Variants in SELENOI observed in about 807,000 individuals in gnomAD.
The protein encoded by SELENOI is ethanolaminephosphotransferase 1.
Under a neutral mutation model 50.7 loss-of-function variants are expected in SELENOI, and 24 were observed. That is an observed-to-expected ratio of 0.47 (90% CI 0.34 to 0.67). The LOEUF is 0.67. Ranked by LOEUF, SELENOI falls within the 30% of genes least tolerant of loss-of-function variation. The pLI, the probability that SELENOI is intolerant of heterozygous loss-of-function variation, is 0.01. For synonymous variants in SELENOI, 155 were observed against 170.2 expected, an observed-to-expected ratio of 0.91 and a Z score of 0.70; for missense variants, 352 against 461.4, an observed-to-expected ratio of 0.76 and a Z score of 2.17.
chr2:26,351,421 G>A (rs1676956978), intron 1 of SELENOI, among the ~76,000 whole-genome samples: 1 of 152,194 alleles, frequency 6.6e-6, no homozygotes. Flanking sequence ...CCAGAATTTT[G>A]AGAGAATATC....
chr2:26,364,862 A>G lies in SELENOI; in HGVS notation c.157A>G (p.Ile53Val), dbSNP rs1421704318. The part of the protein sequence containing the change: ...VFPTWLAPNL[I>V]TFSGFLLVVF... Reference sequence around the variant, plus strand: ...TCCTACTTGGCTGGCGCCCAATCTGATAACTTTTTCTGGCTTTCTGCTGGT... The same window carrying G: ...TCCTACTTGGCTGGCGCCCAATCTGGTAACTTTTTCTGGCTTTCTGCTGGT... The change falls in exon 3 of 10, where the codon ATA (isoleucine) becomes GTA (valine). Residue 53 changes from isoleucine (I) to valine (V), a missense_variant. Physicochemically the swap from Ile to Val is conservative, Grantham distance 29. Transcript: ENST00000260585. 6 of 1,610,210 alleles carry G rather than the reference A, an allele frequency of 3.7e-6. No homozygotes were observed. Among genetic ancestry groups the G allele is most frequent in the African/African-American group, 1.3e-5 (1 of 74,858 alleles).
intron 1 of SELENOI, among the ~76,000 whole-genome samples, chr2:26,361,706 C>T (rs914388257): frequency 1.2e-4 from 18 of 151,216 alleles, no homozygotes; most frequent in African/African-American, 3.9e-4. Flanking sequence ...TAGGCTGGAG[C>T]GCAGTGGCAC....
intron 1 of SELENOI, among the ~76,000 whole-genome samples, chr2:26,347,499 A>C (rs183910990): frequency 6.6e-6 from 1 of 151,982 alleles, no homozygotes; most frequent in African/African-American, 2.4e-5. Context: ...TTCAAGCCGT[A>C]TTGTGCCATA....
intron 4 of SELENOI, among the ~76,000 whole-genome samples, chr2:26,370,918 CGGGCGGGGGGCTG>C (rs1677417391): frequency 2.1e-5 from 2 of 93,158 alleles, no homozygotes; most frequent in African/African-American, 3.6e-5. Flanking sequence ...GGCGGCTGGC[CGGGCGGGGGGCTG>C]ACCCCCCCAC....
Position 26,386,421 on chromosome 2 carries a change from T to C in SELENOI, c.980T>C (p.Leu327Pro), listed in dbSNP as rs1160348113. 4.3e-6 allele frequency: 7 copies of C among 1,614,014 alleles called. No homozygotes were observed. Among genetic ancestry groups the C allele is most frequent in the Non-Finnish European group, 5.1e-6 (6 of 1,179,896 alleles). The change falls in exon 9 of 10, where the codon CTC becomes CCC. Residue 327 changes from leucine (L) to proline (P), a missense_variant. Coordinates refer to ENST00000260585, the MANE Select transcript of SELENOI (RefSeq NM_033505.4). ...CPTLNWLLVP[L>P]FLVVLVVNLG... is the part of the protein sequence containing the mutation. ...ACTTTGAATTGGTTGCTGGTTCCTC[T>C]CTTCTTGGTTGTCTTAGTGGTAAAC... is the stretch of plus-strand genomic sequence containing the variant.
intron 4 of SELENOI, among the ~76,000 whole-genome samples, chr2:26,372,759 G>A (rs545954000): frequency 1.3e-5 from 2 of 152,272 alleles, no homozygotes; most frequent in East Asian, 3.9e-4. Flanking sequence ...AGATTTGGAG[G>A]TATTCAGACT....
In SELENOI at chr2:26,346,278, G is replaced by GATA; in HGVS notation, c.48_50dup (p.Asp16_Lys17insAsn). On this transcript the variant is annotated inframe_insertion, in exon 1 of 10. Coordinates refer to ENST00000260585, the MANE Select transcript of SELENOI (RefSeq NM_033505.4). ...GAGCCCGGAGCAGCTGGCTGGCTTT[G>GATA]ATAAGTACAAGGTACCGCGGGCCGG... The GATA allele has an allele frequency of 6.2e-7, 1 of 1,613,528 alleles. No individual in the cohort carries two copies. The highest frequency in any genetic ancestry group is 8.5e-7 in the Non-Finnish European group (1 of 1,179,568).
chr2:26,380,367 C>G (rs1205581941), intron 6 of SELENOI, among the ~76,000 whole-genome samples: 1 of 152,122 alleles, frequency 6.6e-6, no homozygotes, highest in Non-Finnish European at 1.5e-5. Flanking sequence ...GCATTCCATT[C>G]TATATGTACT....
At chr2:26,368,430 A>G (rs1256813329) in intron 4 of SELENOI, among the ~76,000 whole-genome samples, 2 of 152,194 alleles carry the variant, frequency 1.3e-5, no homozygotes, top group Admixed American at 6.5e-5. Context: ...TGTACCATCT[A>G]CTTGTTCTAG....
At chr2:26,357,173 C>T (rs547952556) in intron 1 of SELENOI, among the ~76,000 whole-genome samples, 6 of 152,326 alleles carry the variant, frequency 3.9e-5, no homozygotes, top group African/African-American at 1.4e-4. Flanking sequence ...TCTCACCAAA[C>T]TACTGTTAGG....
chr2:26,380,468 C>G (rs1677664977), intron 6 of SELENOI, among the ~76,000 whole-genome samples: 1 of 152,194 alleles, frequency 6.6e-6, no homozygotes, highest in Non-Finnish European at 1.5e-5. Flanking sequence ...CTCCTCAGTC[C>G]TCTTACAGCT....
chr2:26,390,107 TCTC>T lies in SELENOI; in HGVS notation c.*1006_*1008del, dbSNP rs1375676357. 1 of 148,760 alleles carries T rather than the reference TCTC, an allele frequency of 6.7e-6. No individual in the cohort carries two copies. The highest frequency in any genetic ancestry group is 1.5e-5 in the Non-Finnish European group (1 of 67,422). The allele number at this position is 148,760 out of a possible 1,614,324, so 9.2% of individuals were successfully genotyped here. On this transcript the variant is annotated 3_prime_UTR_variant, in exon 10 of 10. Transcript: ENST00000260585. ...GATAAAACAGAGAGAAGTTCTCTCT[TCTC>T]CAGCTTGTCCATTTCCCCACTTGAA...
At chr2:26,388,438 A>G (rs1002547032) in intron 9 of SELENOI, among the ~76,000 whole-genome samples, 2 of 152,228 alleles carry the variant, frequency 1.3e-5, no homozygotes, top group Non-Finnish European at 1.5e-5. Flanking sequence ...TACCACATCT[A>G]CAACTTCTGG....
intron 1 of SELENOI, among the ~76,000 whole-genome samples, chr2:26,361,489 C>T (rs969059116): frequency 6.6e-6 from 1 of 152,136 alleles, no homozygotes; most frequent in Admixed American, 6.6e-5. Flanking sequence ...TCTGTGTGTA[C>T]TGTACTTACC....
chr2:26,367,359 T>C (rs767532507), intron 4 of SELENOI, 139 bp downstream of exon 4: 12 of 668,298 alleles, frequency 1.8e-5, no homozygotes, highest in East Asian at 3.3e-5. Flanking sequence ...TTGATAAATA[T>C]GTTTTTGAGT....
intron 4 of SELENOI, among the ~76,000 whole-genome samples, 193 bp downstream of exon 4, chr2:26,367,413 AATAAG>A (rs1393580432): frequency 6.6e-6 from 1 of 152,228 alleles, no homozygotes; most frequent in Non-Finnish European, 1.5e-5. Context: ...GGATTCACAG[AATAAG>A]ATAAGAGTTG....
chr2:26,384,301 G>A (rs1677793924), intron 7 of SELENOI, among the ~76,000 whole-genome samples: 1 of 152,190 alleles, frequency 6.6e-6, no homozygotes, highest in African/African-American at 2.4e-5. Flanking sequence ...ACAGTTTAAA[G>A]CTCTGAAGGA....
In SELENOI at chr2:26,389,249, C is replaced by T. The variant is rs1001270748; in HGVS notation, c.*146C>T. ...GCAGGAATGATACATATAATCTGAA[C>T]TTGGGAAATTTTGGACCTACTAACT... is the stretch of plus-strand genomic sequence containing the variant. On this transcript the variant is annotated 3_prime_UTR_variant, in exon 10 of 10. Coordinates refer to ENST00000260585, the MANE Select transcript of SELENOI (RefSeq NM_033505.4). The T allele has an allele frequency of 4.6e-6, 3 of 646,726 alleles. No homozygotes were observed. The highest frequency in any genetic ancestry group is 7.8e-6 in the Non-Finnish European group (3 of 384,476). 40.1% of individuals were successfully genotyped at this position (646,726 alleles called of 1,614,324 possible).
intron 4 of SELENOI, among the ~76,000 whole-genome samples, chr2:26,368,505 C>T (rs750600352): frequency 6.6e-6 from 1 of 152,198 alleles, no homozygotes; most frequent in Non-Finnish European, 1.5e-5. Flanking sequence ...CAGTCTTGAA[C>T]GAACATGAAG....
Sources: allele counts gnomAD v4.1 joint callset (sites outside exome capture counted in the v4.1 genomes callset), GRCh38; gene constraint gnomAD v4.1.1; transcripts MANE v1.5; gene names NCBI Gene and HGNC (gene_info 2026-07-23, HGNC 2026-07-21).